The following DOCK1 variants were observed in gnomAD, a reference collection of about 807,000 sequenced individuals.
The protein encoded by DOCK1 is dedicator of cytokinesis 1.
DOCK1 carries 138 observed loss-of-function variants against 262.7 expected under a neutral mutation model. The observed-to-expected ratio is 0.53, with a 90% CI of 0.46 to 0.61. DOCK1 has a LOEUF of 0.61. DOCK1 is among the 20% of genes least tolerant of loss of function. DOCK1 has a pLI of 0.00. For missense variants in DOCK1, 1,908 were observed against 2,370.7 expected (o/e 0.80, Z 4.05); for synonymous variants, 866 against 867.4 (o/e 1.00, Z 0.03).
Position 127,100,982 on chromosome 10 carries a change from G to A in DOCK1, c.2446-5249G>A, listed in dbSNP as rs558232044. Among the ~76,000 whole-genome samples, 3 of 152,228 alleles carry A rather than the reference G, an allele frequency of 2.0e-5. No individual in the cohort carries two copies. Among genetic ancestry groups the A allele is most frequent in the African/African-American group, 7.2e-5 (3 of 41,544 alleles). ...GCTGGTGTGGGCTTCATGATAGAAA[G>A]CAGGAGGCAGAGGGGTGAGAACTGA... On this transcript the variant is annotated intron_variant, in intron 23 of 51. Transcript: ENST00000623213. The surrounding 1 kb of genome is among the most constrained non-coding windows in gnomAD (Gnocchi z 5.5).
At chr10:127,079,779 A>C (rs1231465557) in intron 23 of DOCK1, among the ~76,000 whole-genome samples, 1 of 152,078 alleles carries the variant, frequency 6.6e-6, no homozygotes, top group Non-Finnish European at 1.5e-5. Context: ...AAAAATACAA[A>C]AATTAGCTGG....
At chr10:127,174,604 C>A (rs2054903189) in intron 27 of DOCK1, among the ~76,000 whole-genome samples, 1 of 152,208 alleles carries the variant, frequency 6.6e-6, no homozygotes, top group Non-Finnish European at 1.5e-5. Flanking sequence ...TGGGGAAGGG[C>A]ATCTGTCTCC....
chr10:127,193,565 C>A (rs1416784854), intron 27 of DOCK1, among the ~76,000 whole-genome samples: 8 of 152,128 alleles, frequency 5.3e-5, no homozygotes, highest in African/African-American at 1.9e-4. Context: ...ATAGCCATGG[C>A]TGGGCGCAAA....
In DOCK1 at chr10:127,018,761, A is replaced by C; in HGVS notation, c.1253A>C (p.Lys418Thr). 1 of 1,614,018 alleles carries C rather than the reference A, an allele frequency of 6.2e-7. No individual in the cohort carries two copies. The highest frequency in any genetic ancestry group is 1.1e-5 in the South Asian group (1 of 91,078). ...LLPGDIHQIR[K>T]EFPHLVDRTT... ...CCTGGAGATATCCATCAGATCCGAA[A>C]AGAGTTTCCGCATTTAGTGGACAGG... Residue 418 changes from lysine (K) to threonine (T), a missense_variant, in exon 13 of 52, where the codon AAA becomes ACA. Transcript: ENST00000623213.
chr10:126,961,959 C>T (rs945070692), intron 1 of DOCK1, among the ~76,000 whole-genome samples: 43 of 152,224 alleles, frequency 2.8e-4, no homozygotes, highest in African/African-American at 1.0e-3. Context: ...CCAGTTTCTT[C>T]GTGTCCTTAC....
rs191645936 is a variant in DOCK1, at chr10:127,224,758, T to C, written c.2848-23250T>C. 3.3e-5 allele frequency among the ~76,000 whole-genome samples: 5 copies of C among 151,946 alleles called. No homozygotes were observed. In the East Asian group the frequency reaches 9.7e-4, roughly 29 times the overall value. ...GAAAAGAAATATTAATGTTCATATG[T>C]ATCTATATATTATCTATATCTGTAT... is the stretch of plus-strand genomic sequence containing the variant. On this transcript the variant is annotated intron_variant, in intron 27 of 51. Transcript: ENST00000623213.
At chr10:127,440,362 G>A (rs554474101) in intron 49 of DOCK1, among the ~76,000 whole-genome samples, 3 of 152,214 alleles carry the variant, frequency 2.0e-5, no homozygotes, top group Middle Eastern at 6.8e-3. Flanking sequence ...ACAGATATCC[G>A]AGCTGTATCA....
chr10:127,390,086 C>G (rs1217491370), intron 38 of DOCK1, among the ~76,000 whole-genome samples: 1 of 151,984 alleles, frequency 6.6e-6, no homozygotes, highest in Admixed American at 6.5e-5. Context: ...TGCCTTCCGC[C>G]GTGAGTATAA....
chr10:127,154,629 T>G (rs2133538176), intron 27 of DOCK1, among the ~76,000 whole-genome samples: 1 of 152,344 alleles, frequency 6.6e-6, no homozygotes, highest in Non-Finnish European at 1.5e-5. Context: ...AAGCCTTATG[T>G]TAGAATGTCT....
chr10:127,293,984 C>T lies in DOCK1; in HGVS notation c.3044+36555C>T, dbSNP rs578015083. ...CTCCATCATGCAGGCGTACTGAGCT[C>T]CTTCACTCCTCAGGTGAAGCCACCC... On this transcript the variant is annotated intron_variant, in intron 29 of 51. Coordinates refer to ENST00000623213, the MANE Select transcript of DOCK1 (RefSeq NM_001290223.2). Among the ~76,000 whole-genome samples the T allele has an allele frequency of 9.2e-5, 14 of 152,306 alleles. 1 individual carries two copies. In the East Asian group the frequency reaches 2.7e-3, roughly 30 times the overall value.
chr10:127,340,130 T>C (rs1029902620), intron 30 of DOCK1, among the ~76,000 whole-genome samples: 3 of 152,198 alleles, frequency 2.0e-5, no homozygotes, highest in Admixed American at 1.3e-4. Flanking sequence ...TAGATAATAA[T>C]ATATCAGGTG....
intron 23 of DOCK1, among the ~76,000 whole-genome samples, chr10:127,073,662 G>A (rs1454132071): frequency 6.6e-6 from 1 of 152,130 alleles, no homozygotes; most frequent in Non-Finnish European, 1.5e-5. Flanking sequence ...CCTCTTTAAG[G>A]CAATGTTAAT....
chr10:127,309,364 A>G (rs1331002507), intron 29 of DOCK1, among the ~76,000 whole-genome samples: 1 of 152,174 alleles, frequency 6.6e-6, no homozygotes, highest in Non-Finnish European at 1.5e-5. Context: ...GTAGATTGCA[A>G]AAATTTTCTC....
chr10:127,277,824 TTTAAG>T (rs2060798768), intron 29 of DOCK1, among the ~76,000 whole-genome samples: 2 of 152,222 alleles, frequency 1.3e-5, no homozygotes, highest in African/African-American at 4.8e-5. Context: ...TAGTGAGTCT[TTTAAG>T]TTGTCTCTCA....
chr10:127,137,829 CGTGA>C (rs745523627), intron 27 of DOCK1: 3 of 1,609,580 alleles, frequency 1.9e-6, no homozygotes, highest in Non-Finnish European at 2.5e-6. Flanking sequence ...CTCCAGACAC[CGTGA>C]GTGTTAAAGG....
chr10:127,428,862 T>C (rs1452787971), intron 47 of DOCK1, among the ~76,000 whole-genome samples: 4 of 138,550 alleles, frequency 2.9e-5, no homozygotes, highest in Non-Finnish European at 3.1e-5. Context: ...TGGGGTGTCG[T>C]GTGGATTGGG....
At chr10:127,110,430 T>C (rs1294778943) in intron 25 of DOCK1, 76 bp downstream of exon 25, 3 of 1,356,888 alleles carry the variant, frequency 2.2e-6, no homozygotes, top group Non-Finnish European at 2.1e-6. Flanking sequence ...GAATTGCCTC[T>C]TCTTGACAAA....
chr10:126,960,051 G>T (rs1006305010), intron 1 of DOCK1, among the ~76,000 whole-genome samples: 1 of 152,152 alleles, frequency 6.6e-6, no homozygotes, highest in Non-Finnish European at 1.5e-5. Context: ...CAGGTGATCC[G>T]CCCGCTTGGG....
chr10:127,433,354 A>G lies in DOCK1; in HGVS notation c.4986A>G (p.Ser1662=), dbSNP rs770155621. The change falls in exon 48 of 52, where the codon TCA becomes TCG. Residue 1662 remains serine (S), a synonymous_variant. Transcript: ENST00000623213. The stretch of plus-strand genomic sequence containing the variant: ...TGCGGTCCTTCACGATGCCTTCCTC[A>G]TCCCGCCCTCTGTCTGTGGCCTCTG... ...SMVRSFTMPS[S]SRPLSVASVS... 3.7e-6 allele frequency: 6 copies of G among 1,613,750 alleles called. No individual in the cohort carries two copies. In the South Asian group the frequency reaches 6.6e-5, roughly 18 times the overall value.
Sources: gnomAD v4.1 joint callset for allele counts (sites outside exome capture counted in the v4.1 genomes callset) on GRCh38, gnomAD v4.1.1 for gene constraint, Gnocchi (gnomAD v3.1) non-coding constraint, MANE v1.5 for transcripts, NCBI Gene and HGNC (gene_info 2026-07-23, HGNC 2026-07-21) for gene names.